DNM3: variants seen among roughly 807,000 people sequenced by gnomAD.
DNM3 encodes dynamin-3.
In DNM3, 47 loss-of-function variants were observed where a neutral mutation model predicts 101.6. The ratio of observed to expected loss-of-function variants is 0.46; its 90% CI spans 0.37 to 0.59. The LOEUF is 0.59. DNM3 is among the 20% of genes least tolerant of loss of function. The probability of loss-of-function intolerance (pLI) is 0.00; values close to 1 mark genes in which losing one functional copy is unlikely to be tolerated. For synonymous variants in DNM3, 385 were observed against 387.9 expected (o/e 0.99, Z 0.09); for missense variants, 849 against 1,085.7 (o/e 0.78, Z 3.06).
chr1:172,042,551 A>G (rs1049982933), intron 8 of DNM3, among the ~76,000 whole-genome samples: 1 of 152,178 alleles, frequency 6.6e-6, no homozygotes, highest in African/African-American at 2.4e-5. Flanking sequence ...GATATGAGAG[A>G]GGGGATGGGT....
At chr1:171,853,217 G>A (rs957358548) in intron 1 of DNM3, among the ~76,000 whole-genome samples, 6 of 151,996 alleles carry the variant, frequency 3.9e-5, no homozygotes, top group Non-Finnish European at 8.8e-5. Flanking sequence ...AGGCTGGAGG[G>A]CAATGGCATG....
At position 172,009,355 on chromosome 1, in the gene DNM3, T is replaced by C. The variant is rs192350221; in HGVS notation, c.589+20207T>C. On this transcript the variant is annotated intron_variant, in intron 4 of 20. Coordinates refer to ENST00000627582, the MANE Select transcript of DNM3 (RefSeq NM_015569.5). ...TTTTTTAAAATAATAGTTTATCTTT[T>C]TATTTGAATTTGTAATCAGCTAGTC... Among the ~76,000 whole-genome samples, 520 of 151,040 alleles carry C rather than the reference T, an allele frequency of 3.4e-3. 7 individuals carry two copies. Among genetic ancestry groups the C allele is most frequent in the African/African-American group, 0.012 (504 of 41,338 alleles).
Position 172,012,985 on chromosome 1 carries a change from T to C in DNM3, c.590-19417T>C, listed in dbSNP as rs2047222782. ...CTTTGCCAGACAGAAAGTAACAACA[T>C]TGATTTCAAATCACCCTCCCTGACA... On this transcript the variant is annotated intron_variant, in intron 4 of 20. Transcript: ENST00000627582. 1.3e-5 allele frequency among the ~76,000 whole-genome samples: 2 copies of C among 152,030 alleles called. 1 individual carries two copies. Among genetic ancestry groups the C allele is most frequent in the Non-Finnish European group, 2.9e-5 (2 of 67,954 alleles).
rs748146409 is a variant in DNM3, at chr1:172,409,199, C to G, written c.*1358C>G. The stretch of plus-strand genomic sequence containing the variant: ...TGCTAACTGTTCCCAGACAGCAGAG[C>G]AAGTATTCACTGAGTAGGGGTGTCC... On this transcript the variant is annotated 3_prime_UTR_variant, in exon 21 of 21. Coordinates refer to ENST00000627582, the MANE Select transcript of DNM3 (RefSeq NM_015569.5). 2.6e-5 allele frequency: 26 copies of G among 985,338 alleles called. No homozygotes were observed. The highest frequency in any genetic ancestry group is 3.0e-5 in the Non-Finnish European group (25 of 829,880). 61.0% of individuals were successfully genotyped at this position (985,338 alleles called of 1,614,324 possible).
At chr1:172,018,147 C>T (rs2047576234) in intron 4 of DNM3, among the ~76,000 whole-genome samples, 1 of 151,986 alleles carries the variant, frequency 6.6e-6, no homozygotes, top group African/African-American at 2.4e-5. Flanking sequence ...GTTTGATCCA[C>T]TCTAACAATC....
intron 14 of DNM3, among the ~76,000 whole-genome samples, chr1:172,217,796 T>C (rs931573843): frequency 2.0e-5 from 3 of 152,068 alleles, no homozygotes; most frequent in East Asian, 1.9e-4. Context: ...AAGAAATGTA[T>C]GGGATGGTTG....
intron 4 of DNM3, among the ~76,000 whole-genome samples, chr1:172,020,837 AATTT>A (rs1466634178): frequency 1.3e-5 from 2 of 152,000 alleles, no homozygotes; most frequent in East Asian, 3.9e-4. Flanking sequence ...TTACTGCGAG[AATTT>A]ATTTAATCCT....
intron 15 of DNM3, among the ~76,000 whole-genome samples, chr1:172,262,388 C>T (rs559409005): frequency 1.3e-5 from 2 of 152,218 alleles, no homozygotes; most frequent in African/African-American, 2.4e-5. Flanking sequence ...CTCAAAATGG[C>T]GTATGCAGCA....
intron 10 of DNM3, among the ~76,000 whole-genome samples, chr1:172,050,778 G>T (rs1173626781): frequency 6.6e-6 from 1 of 152,166 alleles, no homozygotes; most frequent in East Asian, 1.9e-4. Flanking sequence ...CCAATCAGCA[G>T]ATCCATATGC....
chr1:172,114,856 T>G (rs1002925373), intron 13 of DNM3, among the ~76,000 whole-genome samples: 5 of 152,200 alleles, frequency 3.3e-5, no homozygotes, highest in African/African-American at 1.2e-4. Flanking sequence ...TTATGCCACA[T>G]GTGAGGCTAC....
At chr1:171,972,774 G>A (rs1429571471) in intron 2 of DNM3, among the ~76,000 whole-genome samples, 4 of 152,102 alleles carry the variant, frequency 2.6e-5, no homozygotes, top group African/African-American at 7.2e-5. Context: ...GCTTGAACTC[G>A]GGAGGTGGAA....
intron 10 of DNM3, among the ~76,000 whole-genome samples, chr1:172,063,775 CAAAAAA>C (rs11317272): frequency 2.3e-5 from 2 of 87,770 alleles, no homozygotes; most frequent in African/African-American, 4.1e-5. Context: ...GAGACTTTGT[CAAAAAA>C]AAAAAAAAAA....
intron 10 of DNM3, among the ~76,000 whole-genome samples, chr1:172,061,228 G>T (rs2051164453): frequency 6.7e-6 from 1 of 150,254 alleles, no homozygotes; most frequent in South Asian, 2.1e-4. Flanking sequence ...GGAGAAATAG[G>T]AACACTTTTA....
chr1:172,322,728 A>C (rs1460897115), intron 16 of DNM3, among the ~76,000 whole-genome samples: 1 of 152,076 alleles, frequency 6.6e-6, no homozygotes, highest in African/African-American at 2.4e-5. Context: ...ATAATTTACA[A>C]AATAAAGGAA....
chr1:172,392,764 C>CT (rs796312299), intron 20 of DNM3, among the ~76,000 whole-genome samples: 8 of 149,442 alleles, frequency 5.4e-5, no homozygotes, highest in East Asian at 1.9e-4. Flanking sequence ...CAAGAAGAAA[C>CT]TTTTTTTTTT....
intron 17 of DNM3, among the ~76,000 whole-genome samples, chr1:172,352,470 T>C (rs1000203579): frequency 2.0e-4 from 31 of 152,100 alleles, no homozygotes; most frequent in African/African-American, 7.0e-4. Context: ...AACTATAGAG[T>C]CCCTAAATCA....
At chr1:172,215,906 T>C (rs1263619881) in intron 14 of DNM3, among the ~76,000 whole-genome samples, 4 of 151,436 alleles carry the variant, frequency 2.6e-5, no homozygotes, top group Non-Finnish European at 5.9e-5. Context: ...CCTTGAGTTA[T>C]TTTCTTGAAA....
chr1:172,414,858 C>T (rs1019904411), downstream of DNM3, among the ~76,000 whole-genome samples: 1 of 148,932 alleles, frequency 6.7e-6, no homozygotes, highest in South Asian at 2.1e-4. Flanking sequence ...CAGTTCAGCC[C>T]AAGAGTTTGA....
intron 14 of DNM3, among the ~76,000 whole-genome samples, chr1:172,240,137 A>T (rs1461481631): frequency 6.6e-6 from 1 of 152,128 alleles, no homozygotes; most frequent in Non-Finnish European, 1.5e-5. Flanking sequence ...CTTTTCAAAG[A>T]AACTATGTTC....
Sources: allele counts gnomAD v4.1 joint callset (sites outside exome capture counted in the v4.1 genomes callset), GRCh38; gene constraint gnomAD v4.1.1; transcripts MANE v1.5; gene names NCBI Gene and HGNC (gene_info 2026-07-23, HGNC 2026-07-21).